The following ATP8B2 variants were observed in gnomAD, a reference collection of about 807,000 sequenced individuals.
ATP8B2 encodes ATPase phospholipid transporting 8B2.
ATP8B2 carries 70 observed loss-of-function variants against 133.4 expected under a neutral mutation model. That is an observed-to-expected ratio of 0.52 (90% CI 0.43 to 0.64). The LOEUF (loss-of-function observed/expected upper bound fraction) is 0.64, where lower values mean the gene tolerates loss of function less well. Among genes scored for constraint, ATP8B2 ranks in the 30% least tolerant of loss-of-function variants. The probability of loss-of-function intolerance (pLI) is 0.00; values close to 1 mark genes in which losing one functional copy is unlikely to be tolerated. For synonymous variants in ATP8B2, 517 were observed against 589.5 expected (o/e 0.88, Z 1.78); for missense variants, 1,101 against 1,535.7 (o/e 0.72, Z 4.73).
rs768053191 is a variant in ATP8B2, at chr1:154,346,246, C to T, written c.2794C>T (p.Arg932Trp). ...GVFDQDVPEQ[R>W]SMEYPKLYEP... ...TCCCACACAGGATGTCCCCGAGCAG[C>T]GGAGCATGGAGTACCCTAAGCTGTA... Residue 932 changes from arginine (R) to tryptophan (W), a missense_variant, in exon 25 of 28, where the codon CGG (arginine) becomes TGG (tryptophan). Arg to Trp is a moderately radical substitution (Grantham distance 101). Coordinates refer to ENST00000368489, the MANE Select transcript of ATP8B2 (RefSeq NM_001370597.1). This position sits in a 1 kb window ranked among gnomAD's most constrained non-coding sequence, Gnocchi z 4.5. The T allele has an allele frequency of 6.2e-6, 10 of 1,613,888 alleles. No homozygotes were observed. The highest frequency in any genetic ancestry group is 1.7e-4 in the Middle Eastern group (1 of 5,900).
In ATP8B2 at chr1:154,345,356, A is replaced by G; in HGVS notation, c.2505A>G (p.Glu835=). The part of the protein sequence containing the change: ...AHIGVGISGQ[E]GIQAVLASDY... ...TTGGTGTGGGGATCAGTGGGCAGGA[A>G]GGGATCCAGGCTGTCTTGGCCTCCG... is the stretch of plus-strand genomic sequence containing the variant. The change falls in exon 23 of 28, where the codon GAA becomes GAG. Residue 835 remains glutamate (E), a synonymous_variant. Transcript: ENST00000368489. This position sits in a 1 kb window ranked among gnomAD's most constrained non-coding sequence, Gnocchi z 5.6. 6.2e-7 allele frequency: 1 copy of G among 1,614,132 alleles called. No homozygotes were observed. The highest frequency in any genetic ancestry group is 8.5e-7 in the Non-Finnish European group (1 of 1,180,020).
chr1:154,344,140 C>T lies in ATP8B2; in HGVS notation c.1924-3C>T, dbSNP rs1686498798. 6.2e-7 allele frequency: 1 copy of T among 1,614,106 alleles called. No individual in the cohort carries two copies. Reference sequence around the variant, plus strand: ...GTGCCAGGAATCCTTGTGGTATTTTCAGCTGCTGGGTGCAACGGCCATTGA... The same window carrying T: ...GTGCCAGGAATCCTTGTGGTATTTTTAGCTGCTGGGTGCAACGGCCATTGA... On this transcript the variant is annotated splice_polypyrimidine_tract_variant and splice_region_variant and intron_variant, in intron 18 of 27. Coordinates refer to ENST00000368489, the MANE Select transcript of ATP8B2 (RefSeq NM_001370597.1). This position sits in a 1 kb window ranked among gnomAD's most constrained non-coding sequence, Gnocchi z 4.1.
chr1:154,328,741 C>T lies in ATP8B2; in HGVS notation c.31+569C>T, dbSNP rs887889554. 7.2e-5 allele frequency: 70 copies of T among 968,560 alleles called. No individual in the cohort carries two copies. In the African/African-American group the frequency reaches 1.1e-3, roughly 15 times the overall value. 60.0% of individuals were successfully genotyped at this position (968,560 alleles called of 1,614,324 possible). A position where few individuals can be genotyped will look rare whatever the true frequency, so the allele number is the denominator to read the frequency against. On this transcript the variant is annotated intron_variant, in intron 2 of 27. Transcript: ENST00000368489. The surrounding 1 kb of genome is among the most constrained non-coding windows in gnomAD (Gnocchi z 4.6). ...GGCGTGCTCGGCGTGTCCGGGGCCA[C>T]TCAGCGCACGCTGGCATCCGCCGGG... is the stretch of plus-strand genomic sequence containing the variant.
chr1:154,328,716 G>C lies in ATP8B2; in HGVS notation c.31+544G>C. On this transcript the variant is annotated intron_variant, in intron 2 of 27. Coordinates refer to ENST00000368489, the MANE Select transcript of ATP8B2 (RefSeq NM_001370597.1). The surrounding 1 kb of genome is among the most constrained non-coding windows in gnomAD (Gnocchi z 4.6). ...GGGAGCGGGCGGGGGCGGAACCCTGGGCGTGCTCGGCGTGTCCGGGGCCAC... is the reference window on the plus strand; with the variant it reads ...GGGAGCGGGCGGGGGCGGAACCCTGCGCGTGCTCGGCGTGTCCGGGGCCAC... 1 of 867,606 alleles carries C rather than the reference G, an allele frequency of 1.2e-6. No individual in the cohort carries two copies. The highest frequency in any genetic ancestry group is 1.4e-6 in the Non-Finnish European group (1 of 721,644). The allele number at this position is 867,606 out of a possible 1,614,324, so 53.7% of individuals were successfully genotyped here. A position where few individuals can be genotyped will look rare whatever the true frequency, so the allele number is the denominator to read the frequency against.
chr1:154,330,615 A>G, intron 3 of ATP8B2, 161 bp downstream of exon 3: 1 of 810,092 alleles, frequency 1.2e-6, no homozygotes. Context: ...TGAATTTTTC[A>G]TGCCTTCACC....
rs368938150 is a variant in ATP8B2 at position 154,331,933 on chromosome 1, C to T, written c.439-21C>T. On this transcript the variant is annotated intron_variant, in intron 7 of 27. Transcript: ENST00000368489. This position sits in a 1 kb window ranked among gnomAD's most constrained non-coding sequence, Gnocchi z 4.8. ...GGTGGAGGTTTGCATATTTGGACTTCTCATTAGTTTTTCTCTCTAGGCGGA... is the reference window on the plus strand; with the variant it reads ...GGTGGAGGTTTGCATATTTGGACTTTTCATTAGTTTTTCTCTCTAGGCGGA... 1 of 1,609,314 alleles carries T rather than the reference C, an allele frequency of 6.2e-7. No homozygotes were observed.
Position 154,346,873 on chromosome 1 carries a change from T to A in ATP8B2, c.3163+115T>A, listed in dbSNP as rs1686602167. ...TCTTATGTGCCAAGTATTCTGTTTA[T>A]TTTATTTATTTATTTATTTATTTTC... is the stretch of plus-strand genomic sequence containing the variant. On this transcript the variant is annotated intron_variant, in intron 26 of 27. Transcript: ENST00000368489. This position sits in a 1 kb window ranked among gnomAD's most constrained non-coding sequence, Gnocchi z 4.5. The A allele has an allele frequency of 3.0e-6, 3 of 1,012,860 alleles. No homozygotes were observed. Among genetic ancestry groups the A allele is most frequent in the Admixed American group, 3.2e-5 (1 of 31,626 alleles). 62.7% of individuals were successfully genotyped at this position (1,012,860 alleles called of 1,614,324 possible). A position where few individuals can be genotyped will look rare whatever the true frequency, so the allele number is the denominator to read the frequency against.
rs776132295 is a variant in ATP8B2, at chr1:154,346,371, T to C, written c.2919T>C (p.Tyr973=). 4.3e-6 allele frequency: 7 copies of C among 1,614,230 alleles called. No homozygotes were observed. Among genetic ancestry groups the C allele is most frequent in the Middle Eastern group, 1.6e-4 (1 of 6,062 alleles). The stretch of plus-strand genomic sequence containing the variant: ...CCGTGCTCATGTTCTTCATTCCCTA[T>C]GGGGTGTTTGCTGATGCCACCCGGG... The part of the protein sequence containing the change: ...YTSVLMFFIP[Y]GVFADATRDD... Residue 973 remains tyrosine (Y), a synonymous_variant, in exon 25 of 28, where the codon TAT becomes TAC. Transcript: ENST00000368489. This position sits in a 1 kb window ranked among gnomAD's most constrained non-coding sequence, Gnocchi z 4.5.
In ATP8B2 at chr1:154,337,374, G is replaced by T. The variant is rs760632798; in HGVS notation, c.864G>T (p.Gly288=). The T allele has an allele frequency of 3.1e-6, 5 of 1,613,828 alleles. No individual in the cohort carries two copies. In the African/African-American group the frequency reaches 6.7e-5, roughly 22 times the overall value. ...TTTTTGGATTCCTGGTTTGCATGGG[G>T]GTGATCCTGGCCATTGGCAATGCCA... ...LWIFGFLVCM[G]VILAIGNAIW... Residue 288 remains glycine, a synonymous_variant, in exon 12 of 28, where the codon GGG becomes GGT. Transcript: ENST00000368489.
At position 154,331,306 on chromosome 1, in the gene ATP8B2, G is replaced by A. The variant is rs1033401273; in HGVS notation, c.304-138G>A. ...CATGATGTCTTTTTGCTGAGCGTGG[G>A]GAGAGGGAATCAGGGAGTGAACTGG... On this transcript the variant is annotated intron_variant, in intron 5 of 27. Coordinates refer to ENST00000368489, the MANE Select transcript of ATP8B2 (RefSeq NM_001370597.1). This position sits in a 1 kb window ranked among gnomAD's most constrained non-coding sequence, Gnocchi z 4.8. 4.3e-6 allele frequency: 5 copies of A among 1,149,476 alleles called. No individual in the cohort carries two copies. The highest frequency in any genetic ancestry group is 1.4e-5 in the South Asian group (1 of 73,720). The allele number at this position is 1,149,476 out of a possible 1,614,324, so 71.2% of individuals were successfully genotyped here. A position where few individuals can be genotyped will look rare whatever the true frequency, so the allele number is the denominator to read the frequency against.
At chr1:154,335,656 A>G (rs1344589633) in intron 11 of ATP8B2, among the ~76,000 whole-genome samples, 1 of 151,656 alleles carries the variant, frequency 6.6e-6, no homozygotes, top group Non-Finnish European at 1.5e-5. Flanking sequence ...ATGCCACTGC[A>G]CTCCAGCCTG....
intron 14 of ATP8B2, 103 bp from the exon 15 acceptor site, chr1:154,342,693 G>A (rs1374324052): frequency 7.4e-6 from 11 of 1,488,118 alleles, no homozygotes; most frequent in East Asian, 6.8e-5. Context: ...GAGGTCCACC[G>A]TGGACAGGAG....
chr1:154,347,451 T>C (rs1686622114), intron 26 of ATP8B2, among the ~76,000 whole-genome samples: 2 of 152,056 alleles, frequency 1.3e-5, no homozygotes, highest in South Asian at 4.2e-4. Context: ...GAGGAAGCCA[T>C]TGGAGGGCTT....
chr1:154,328,869 G>T lies in ATP8B2; in HGVS notation c.31+697G>T, dbSNP rs1258112243. On this transcript the variant is annotated intron_variant, in intron 2 of 27. Transcript: ENST00000368489. The surrounding 1 kb of genome is among the most constrained non-coding windows in gnomAD (Gnocchi z 4.6). ...GCTGCGGGTGGGGCGCGCGCCCGAC[G>T]GCTGGGGCTCCCCTCTGAGCGGCTG... 5 of 1,176,244 alleles carry T rather than the reference G, an allele frequency of 4.3e-6. No homozygotes were observed. Among genetic ancestry groups the T allele is most frequent in the South Asian group, 1.5e-5 (1 of 65,300 alleles). The allele number at this position is 1,176,244 out of a possible 1,614,324, so 72.9% of individuals were successfully genotyped here.
chr1:154,348,582 G>T, intron 27 of ATP8B2, 44 bp downstream of exon 27: 1 of 1,605,148 alleles, frequency 6.2e-7, no homozygotes. Context: ...AGATGGGGTG[G>T]CTGGAAAGGC....
chr1:154,345,555 G>A lies in ATP8B2; in HGVS notation c.2694+10G>A. 6.2e-7 allele frequency: 1 copy of A among 1,602,214 alleles called. No homozygotes were observed. The highest frequency in any genetic ancestry group is 8.5e-7 in the Non-Finnish European group (1 of 1,170,962). ...TGGCTTCTCAGCCCAGGTAATAAAT[G>A]TTCCCAGTCCACTGTTGTGCAAATC... On this transcript the variant is annotated intron_variant, in intron 23 of 27. Transcript: ENST00000368489. This position sits in a 1 kb window ranked among gnomAD's most constrained non-coding sequence, Gnocchi z 5.6.
At chr1:154,348,021 C>A (rs868200141) in intron 26 of ATP8B2, among the ~76,000 whole-genome samples, 1,189 of 20,276 alleles carry the variant, frequency 0.059, 12 homozygotes, top group Non-Finnish European at 0.39. Context: ...TAAAAAACAA[C>A]AAAAAAAAAA....
Position 154,343,489 on chromosome 1 carries a change from A to C in ATP8B2, c.1679A>C (p.Lys560Thr), listed in dbSNP as rs1440746770. Residue 560 changes from lysine (K) to threonine (T), a missense_variant, in exon 17 of 28, where the codon AAA (lysine) becomes ACA (threonine). By Grantham distance (78) the Lys-to-Thr change is moderately conservative. Transcript: ENST00000368489. The surrounding 1 kb of genome is among the most constrained non-coding windows in gnomAD (Gnocchi z 5.8). ...NPEGKIRLYC[K>T]GADTILLDRL... ...GAGGGGAAGATCCGACTCTACTGCA[A>C]AGGGGCTGACACTATCCTACTGGAC... 16 of 1,613,974 alleles carry C rather than the reference A, an allele frequency of 9.9e-6. No individual in the cohort carries two copies.
At position 154,345,134 on chromosome 1, in the gene ATP8B2, A is replaced by G; in HGVS notation, c.2450A>G (p.Asn817Ser). Residue 817 changes from asparagine to serine, a missense_variant, in exon 22 of 28, where the codon AAT becomes AGT. By Grantham distance (46) the Asn-to-Ser change is conservative. Transcript: ENST00000368489. This position sits in a 1 kb window ranked among gnomAD's most constrained non-coding sequence, Gnocchi z 5.6. The part of the protein sequence containing the change: ...AVTLAIGDGA[N>S]DVSMIKTAHI... ...ACGCTTGCCATTGGAGACGGAGCCA[A>G]TGATGTCAGCATGATCAAAAGTGAG... 6.2e-7 allele frequency: 1 copy of G among 1,613,990 alleles called. No individual in the cohort carries two copies. Among genetic ancestry groups the G allele is most frequent in the Non-Finnish European group, 8.5e-7 (1 of 1,179,906 alleles).
Sources: gnomAD v4.1 joint callset for allele counts (sites outside exome capture counted in the v4.1 genomes callset) on GRCh38, gnomAD v4.1.1 for gene constraint, Gnocchi (gnomAD v3.1) non-coding constraint, MANE v1.5 for transcripts, NCBI Gene and HGNC (gene_info 2026-07-23, HGNC 2026-07-21) for gene names.